NKAIN3: variants seen among roughly 807,000 people sequenced by gnomAD.
NKAIN3 encodes sodium/potassium transporting ATPase interacting 3.
In NKAIN3, 25 loss-of-function variants were observed where a neutral mutation model predicts 30.2. The ratio of observed to expected loss-of-function variants is 0.83; its 90% CI spans 0.60 to 1.16. NKAIN3 has a LOEUF of 1.16. Ranked by LOEUF, NKAIN3 falls within the 50% of genes most tolerant of loss-of-function variation. NKAIN3 has a pLI of 0.00. For synonymous variants in NKAIN3, 91 were observed against 89.6 expected, an observed-to-expected ratio of 1.02 and a Z score of -0.09; for missense variants, 225 against 254.1, an observed-to-expected ratio of 0.89 and a Z score of 0.78.
intron 4 of NKAIN3, among the ~76,000 whole-genome samples, chr8:62,754,382 A>G (rs1586163334): frequency 6.6e-6 from 1 of 151,964 alleles, no homozygotes; most frequent in Non-Finnish European, 1.5e-5. Context: ...ACACACACAC[A>G]CACATGCACA....
Position 62,930,340 on chromosome 8 carries a change from G to A in NKAIN3, c.532+11827G>A, listed in dbSNP as rs543124475. ...GCGATCTTAGCTCACTGCAACCTCC[G>A]CCTCTCCGGTTCAAACAATTCTCCT... is the stretch of plus-strand genomic sequence containing the variant. On this transcript the variant is annotated intron_variant, in intron 5 of 6. Coordinates refer to ENST00000623646, the MANE Select transcript of NKAIN3 (RefSeq NM_001304533.3). 3.3e-5 allele frequency among the ~76,000 whole-genome samples: 5 copies of A among 151,774 alleles called. No homozygotes were observed. In the South Asian group the frequency reaches 8.3e-4, roughly 25 times the overall value.
intron 1 of NKAIN3, among the ~76,000 whole-genome samples, chr8:62,406,835 C>T (rs150774281): frequency 1.3e-3 from 194 of 152,264 alleles, no homozygotes; most frequent in African/African-American, 4.6e-3. Flanking sequence ...CAAATTAAAA[C>T]AGACAACTCT....
intron 6 of NKAIN3, among the ~76,000 whole-genome samples, chr8:62,963,553 C>G (rs1823629400): frequency 1.3e-5 from 2 of 152,196 alleles, no homozygotes. Context: ...CTTATCCTCA[C>G]TCTTGAAGGG....
chr8:62,562,910 A>G (rs551507632), intron 1 of NKAIN3, among the ~76,000 whole-genome samples: 8 of 152,074 alleles, frequency 5.3e-5, no homozygotes, highest in Non-Finnish European at 1.2e-4. Context: ...GTTCTTAGAG[A>G]AACTTTTGGC....
At position 62,637,513 on chromosome 8, in the gene NKAIN3, G is replaced by C. The variant is rs188093216; in HGVS notation, c.273+47719G>C. 2.1e-4 allele frequency among the ~76,000 whole-genome samples: 32 copies of C among 152,212 alleles called. No individual in the cohort carries two copies. The East Asian group carries it at 4.6e-3, about 22-fold the overall frequency. Reference sequence around the variant, plus strand: ...ATAAAGCCAAGCAATAATGCTCCCAGGGAATGTTCTCTTTATCTGTATTTA... The same window carrying C: ...ATAAAGCCAAGCAATAATGCTCCCACGGAATGTTCTCTTTATCTGTATTTA... On this transcript the variant is annotated intron_variant, in intron 3 of 6. Coordinates refer to ENST00000623646, the MANE Select transcript of NKAIN3 (RefSeq NM_001304533.3).
chr8:62,344,702 C>T (rs1336134248), intron 1 of NKAIN3: 1 of 242,124 alleles, frequency 4.1e-6, no homozygotes, highest in Non-Finnish European at 8.3e-6. Flanking sequence ...TTTTATCCTG[C>T]AACCCAGTTG....
At chr8:62,322,191 G>T (rs546536902) in intron 1 of NKAIN3, among the ~76,000 whole-genome samples, 154 of 152,240 alleles carry the variant, frequency 1.0e-3, no homozygotes, top group African/African-American at 3.6e-3. Context: ...GCAGTATTAG[G>T]GTGGGAGTGA....
At chr8:62,396,420 C>T (rs1235352241) in intron 1 of NKAIN3, among the ~76,000 whole-genome samples, 1 of 152,158 alleles carries the variant, frequency 6.6e-6, no homozygotes, top group Non-Finnish European at 1.5e-5. Context: ...AAAGCTTAGG[C>T]TTTTCTTACA....
chr8:62,802,934 T>C (rs1299575186), intron 4 of NKAIN3, among the ~76,000 whole-genome samples: 1 of 151,764 alleles, frequency 6.6e-6, no homozygotes, highest in Non-Finnish European at 1.5e-5. Context: ...ACCAAGTAAA[T>C]GGAAAACAAA....
chr8:62,753,319 TA>T (rs1419029237), intron 4 of NKAIN3, among the ~76,000 whole-genome samples: 1 of 152,000 alleles, frequency 6.6e-6, no homozygotes, highest in Admixed American at 6.6e-5. Flanking sequence ...TATTATCAAT[TA>T]ATGTCATCCT....
intron 5 of NKAIN3, among the ~76,000 whole-genome samples, chr8:62,997,404 GA>G (rs541266271): frequency 8.2e-5 from 12 of 146,768 alleles, no homozygotes; most frequent in Middle Eastern, 3.5e-3. Context: ...GAGGTGAACA[GA>G]AAAAAAAAAT....
At chr8:62,308,518 AG>A (rs1814326897) in intron 1 of NKAIN3, among the ~76,000 whole-genome samples, 1 of 150,738 alleles carries the variant, frequency 6.6e-6, no homozygotes, top group South Asian at 2.1e-4. Flanking sequence ...TGTTACCAAA[AG>A]CAAGTGTGGA....
At position 62,249,064 on chromosome 8, in the gene NKAIN3, C is replaced by A. The variant is rs1302785473; in HGVS notation, c.-10C>A. The A allele has an allele frequency of 6.5e-7, 1 of 1,535,318 alleles. No individual in the cohort carries two copies. Among genetic ancestry groups the A allele is most frequent in the South Asian group, 1.2e-5 (1 of 83,516 alleles). On this transcript the variant is annotated 5_prime_UTR_variant, in exon 1 of 7. Transcript: ENST00000623646. Reference sequence around the variant, plus strand: ...CTGGCAGTCAGCGCCGCTCGGACGCCGCCGGCACCATGGGCTGCTGCACCG... The same window carrying A: ...CTGGCAGTCAGCGCCGCTCGGACGCAGCCGGCACCATGGGCTGCTGCACCG...
intron 3 of NKAIN3, among the ~76,000 whole-genome samples, chr8:62,661,174 T>A (rs781634203): frequency 6.6e-6 from 1 of 152,180 alleles, no homozygotes; most frequent in Non-Finnish European, 1.5e-5. Context: ...TTATCTTCAC[T>A]TCTTGGGTCA....
chr8:62,393,866 A>G (rs564391867), intron 1 of NKAIN3, among the ~76,000 whole-genome samples: 2 of 152,232 alleles, frequency 1.3e-5, no homozygotes, highest in Admixed American at 1.3e-4. Context: ...GCTGTAGTTA[A>G]TTAAAATTTG....
At chr8:62,424,777 A>G (rs1305002263) in intron 1 of NKAIN3, among the ~76,000 whole-genome samples, 1 of 151,964 alleles carries the variant, frequency 6.6e-6, no homozygotes, top group East Asian at 1.9e-4. Context: ...GGTATGATCC[A>G]GCAATACCAC....
intron 4 of NKAIN3, among the ~76,000 whole-genome samples, chr8:62,807,118 A>G (rs1586219131): frequency 1.3e-5 from 2 of 152,220 alleles, no homozygotes; most frequent in Non-Finnish European, 2.9e-5. Flanking sequence ...TAATTTGTGC[A>G]CATATGCATT....
intron 1 of NKAIN3, among the ~76,000 whole-genome samples, chr8:62,527,993 A>G (rs1808362957): frequency 6.6e-6 from 1 of 151,502 alleles, no homozygotes; most frequent in Non-Finnish European, 1.5e-5. Flanking sequence ...AAAATTATTT[A>G]GTTCTTTCTT....
chr8:62,958,040 C>T (rs1040985626), intron 6 of NKAIN3, among the ~76,000 whole-genome samples: 10 of 152,064 alleles, frequency 6.6e-5, no homozygotes, highest in African/African-American at 2.4e-4. Context: ...AATATTAAGT[C>T]TTTAAGGGGA....
Sources: allele counts gnomAD v4.1 joint callset (sites outside exome capture counted in the v4.1 genomes callset), GRCh38; gene constraint gnomAD v4.1.1; transcripts MANE v1.5; gene names NCBI Gene and HGNC (gene_info 2026-07-23, HGNC 2026-07-21).